Variants in PCDHB11 observed in about 807,000 individuals in gnomAD.
The protein encoded by PCDHB11 is protocadherin beta 11.
For synonymous variants in PCDHB11, 522 were observed against 442.0 expected (o/e 1.18, Z -2.27); for missense variants, 1,151 against 1,003.4 (o/e 1.15, Z -1.99).
At position 141,201,201 on chromosome 5, in the gene PCDHB11, CAG is replaced by C; in HGVS notation, c.1429_1430del (p.Asp477GlnfsTer198). 6.2e-7 allele frequency: 1 copy of C among 1,613,248 alleles called. No individual in the cohort carries two copies. The highest frequency in any genetic ancestry group is 8.5e-7 in the Non-Finnish European group (1 of 1,180,026). On this transcript the variant is annotated frameshift_variant, in exon 1 of 1. Transcript: ENST00000354757. LOFTEE classifies it low-confidence loss of function (END_TRUNC). ...CTGCACATCGGCAGTGTCAGCGCTA[CAG>C]ACAGAGACTCAGGCACCAACGCCCA...
chr5:141,202,144 A>C lies in PCDHB11; in HGVS notation c.2370A>C (p.Arg790=), dbSNP rs782176607. 1 of 1,607,500 alleles carries C rather than the reference A, an allele frequency of 6.2e-7. No individual in the cohort carries two copies. Among genetic ancestry groups the C allele is most frequent in the East Asian group, 2.2e-5 (1 of 44,764 alleles). ...ATAGTGAAGAAAACTCCACCTTTCG[A>C]AATAGCTTTGGATTTAATTTTTAGT... ...GKNSEENSTF[R]NSFGFNF Residue 790 remains arginine, a synonymous_variant, in exon 1 of 1, where the codon CGA becomes CGC. Coordinates refer to ENST00000354757, the MANE Select transcript of PCDHB11 (RefSeq NM_018931.3).
Position 141,200,056 on chromosome 5 carries a change from G to C in PCDHB11, c.282G>C (p.Glu94Asp). ...TAAGTGAAACACTAGACAGGGAGGA[G>C]CTCTGCGGTTCCATCGAGCCTTGCG... ...LLLSETLDREELCGSIEPCVL... is the reference protein window; with the variant it reads ...LLLSETLDREDLCGSIEPCVL... The change falls in exon 1 of 1, where the codon GAG becomes GAC. Residue 94 changes from glutamate to aspartate, a missense_variant. Physicochemically the swap from Glu to Asp is conservative, Grantham distance 45. Transcript: ENST00000354757. 6.2e-7 allele frequency: 1 copy of C among 1,614,190 alleles called. No homozygotes were observed. The highest frequency in any genetic ancestry group is 8.5e-7 in the Non-Finnish European group (1 of 1,180,050).
At position 141,201,697 on chromosome 5, in the gene PCDHB11, G is replaced by A. The variant is rs535571796; in HGVS notation, c.1923G>A (p.Val641=). ...GCGACGCGGCCAAGCACAGGCTGGTGGTGCTGGTCAAGGACAATGGCGAGC... is the reference window on the plus strand; with the variant it reads ...GCGACGCGGCCAAGCACAGGCTGGTAGTGCTGGTCAAGGACAATGGCGAGC... The part of the protein sequence containing the change: ...SERDAAKHRL[V]VLVKDNGEPP... Residue 641 remains valine (V), a synonymous_variant, in exon 1 of 1, where the codon GTG becomes GTA. Transcript: ENST00000354757. The A allele has an allele frequency of 2.3e-4, 368 of 1,607,166 alleles. No individual in the cohort carries two copies. The highest frequency in any genetic ancestry group is 2.0e-3 in the Middle Eastern group (9 of 4,436).
Position 141,201,560 on chromosome 5 carries a change from T to G in PCDHB11, c.1786T>G (p.Ser596Ala). The G allele has an allele frequency of 1.2e-6, 2 of 1,608,756 alleles. No individual in the cohort carries two copies. The highest frequency in any genetic ancestry group is 1.7e-6 in the Non-Finnish European group (2 of 1,179,228). Residue 596 changes from serine (S) to alanine (A), a missense_variant, in exon 1 of 1, where the codon TCG (serine) becomes GCG (alanine). Coordinates refer to ENST00000354757, the MANE Select transcript of PCDHB11 (RefSeq NM_018931.3). ...VTKVVAVDGD[S>A]GQNAWLSYQL... ...CAAGGTGGTGGCGGTGGACGGCGAC[T>G]CGGGCCAGAACGCCTGGCTGTCGTA...
In PCDHB11 at chr5:141,200,596, T is replaced by C. The variant is rs782659566; in HGVS notation, c.822T>C (p.Asn274=). 2.4e-5 allele frequency: 39 copies of C among 1,614,118 alleles called. No homozygotes were observed. The highest frequency in any genetic ancestry group is 1.6e-4 in the Middle Eastern group (1 of 6,084). ...CTTGGGATTTAGACTCTGGAACAAA[T>C]GGTGAAATATGCTATACCTTTTCCC... The part of the protein sequence containing the change: ...VSAWDLDSGT[N]GEICYTFSHA... The change falls in exon 1 of 1, where the codon AAT becomes AAC. Residue 274 remains asparagine (N), a synonymous_variant. Coordinates refer to ENST00000354757, the MANE Select transcript of PCDHB11 (RefSeq NM_018931.3).
rs1174899767 is a variant in PCDHB11 at position 141,202,605 on chromosome 5, CT to C, written c.*447del. The C allele has an allele frequency of 1.8e-4, 27 of 148,692 alleles. No individual in the cohort carries two copies. Among genetic ancestry groups the C allele is most frequent in the East Asian group, 5.9e-4 (3 of 5,084 alleles). The allele number at this position is 148,692 out of a possible 1,614,324, so 9.2% of individuals were successfully genotyped here. Reference sequence around the variant, plus strand: ...ACCGGTGTGAGCCACTGCGCCCGGCCTTTTTTTTTTCTTTTCTTTTCTTTTT... The same window carrying C: ...ACCGGTGTGAGCCACTGCGCCCGGCCTTTTTTTTTCTTTTCTTTTCTTTTT... On this transcript the variant is annotated 3_prime_UTR_variant, in exon 1 of 1. Transcript: ENST00000354757.
Position 141,199,789 on chromosome 5 carries a change from G to C in PCDHB11, c.15G>C (p.Gly5=). The stretch of plus-strand genomic sequence containing the variant: ...AGAAAGGAACTATGGAGAACCAAGG[G>C]ACACGCACTCAGCAGATAAGGCAAG... MENQ[G]TRTQQIRQVL... Residue 5 remains glycine, a synonymous_variant, in exon 1 of 1, where the codon GGG becomes GGC. Transcript: ENST00000354757. 1 of 1,614,130 alleles carries C rather than the reference G, an allele frequency of 6.2e-7. No homozygotes were observed. The highest frequency in any genetic ancestry group is 8.5e-7 in the Non-Finnish European group (1 of 1,179,996).
At position 141,200,518 on chromosome 5, in the gene PCDHB11, G is replaced by C; in HGVS notation, c.744G>C (p.Glu248Asp). ...CTGAATTTGAGCAGGCTTTTTATGA[G>C]GTGAAGATTCGGGAGAATAGCATCC... ...NSPEFEQAFY[E>D]VKIRENSILG... The change falls in exon 1 of 1, where the codon GAG becomes GAC. Residue 248 changes from glutamate (E) to aspartate (D), a missense_variant. Glu to Asp is a conservative substitution (Grantham distance 45, BLOSUM62 2). Coordinates refer to ENST00000354757, the MANE Select transcript of PCDHB11 (RefSeq NM_018931.3). 6.2e-7 allele frequency: 1 copy of C among 1,614,160 alleles called. No homozygotes were observed. Among genetic ancestry groups the C allele is most frequent in the Non-Finnish European group, 8.5e-7 (1 of 1,180,036 alleles).
In PCDHB11 at chr5:141,202,263, C is replaced by T; in HGVS notation, c.*95C>T. The stretch of plus-strand genomic sequence containing the variant: ...AAACTAGTTACGTTATTATGCAATA[C>T]GACTAATTGTATTTTTAATTTTTTC... On this transcript the variant is annotated 3_prime_UTR_variant, in exon 1 of 1. Transcript: ENST00000354757. The T allele has an allele frequency of 3.6e-6, 4 of 1,097,602 alleles. No homozygotes were observed. Among genetic ancestry groups the T allele is most frequent in the Non-Finnish European group, 5.1e-6 (4 of 787,958 alleles). The allele number at this position is 1,097,602 out of a possible 1,614,324, so 68.0% of individuals were successfully genotyped here. A position where few individuals can be genotyped will look rare whatever the true frequency, so the allele number is the denominator to read the frequency against.
chr5:141,202,000 C>T lies in PCDHB11; in HGVS notation c.2226C>T (p.Thr742=), dbSNP rs199864160. Reference sequence around the variant, plus strand: ...GGCATCTGGTGGACGTGAGCGGCACCGGGACCCTTTCCCAGAGCTACCAGT... The same window carrying T: ...GGCATCTGGTGGACGTGAGCGGCACTGGGACCCTTTCCCAGAGCTACCAGT... ...FPGHLVDVSG[T]GTLSQSYQYE... The change falls in exon 1 of 1, where the codon ACC becomes ACT. Residue 742 remains threonine (T), a synonymous_variant. Transcript: ENST00000354757. 6.2e-7 allele frequency: 1 copy of T among 1,614,136 alleles called. No homozygotes were observed. Among genetic ancestry groups the T allele is most frequent in the Non-Finnish European group, 8.5e-7 (1 of 1,180,000 alleles).
In PCDHB11 at chr5:141,201,269, C is replaced by T. The variant is rs782560864; in HGVS notation, c.1495C>T (p.Pro499Ser). The T allele has an allele frequency of 4.3e-6, 7 of 1,613,504 alleles. No homozygotes were observed. Among genetic ancestry groups the T allele is most frequent in the South Asian group, 3.3e-5 (3 of 91,060 alleles). ...SLLPPQDLHL[P>S]LASLVSINTD... ...ACTCCCGCCCCAGGACCTGCACCTG[C>T]CCCTCGCCTCCCTGGTCTCCATCAA... The change falls in exon 1 of 1, where the codon CCC becomes TCC. Residue 499 changes from proline to serine, a missense_variant. Physicochemically the swap from Pro to Ser is moderately conservative, Grantham distance 74. Coordinates refer to ENST00000354757, the MANE Select transcript of PCDHB11 (RefSeq NM_018931.3).
chr5:141,203,403 G>T lies in PCDHB11; in HGVS notation c.*1235G>T, dbSNP rs1447401390. The T allele has an allele frequency of 6.6e-6, 1 of 152,140 alleles. No homozygotes were observed. Among genetic ancestry groups the T allele is most frequent in the African/African-American group, 2.4e-5 (1 of 41,426 alleles). 9.4% of individuals were successfully genotyped at this position (152,140 alleles called of 1,614,324 possible). A position where few individuals can be genotyped will look rare whatever the true frequency, so the allele number is the denominator to read the frequency against. ...GCTCCCCTAGTATTTTTCACTGTCT[G>T]CATCCTATGATCCTAACCACCTGTG... On this transcript the variant is annotated 3_prime_UTR_variant, in exon 1 of 1. Transcript: ENST00000354757.
Position 141,201,954 on chromosome 5 carries a change from T to C in PCDHB11, c.2180T>C (p.Val727Ala). 6.2e-7 allele frequency: 1 copy of C among 1,614,122 alleles called. No homozygotes were observed. The highest frequency in any genetic ancestry group is 8.5e-7 in the Non-Finnish European group (1 of 1,180,000). ...SRAASVGSCSVPKGPFPGHLV... is the reference protein window; with the variant it reads ...SRAASVGSCSAPKGPFPGHLV... ...GCGGCCTCGGTGGGAAGCTGCTCGG[T>C]GCCTAAGGGCCCCTTTCCAGGGCAT... The change falls in exon 1 of 1, where the codon GTG becomes GCG. Residue 727 changes from valine to alanine, a missense_variant. Physicochemically the swap from Val to Ala is moderately conservative, Grantham distance 64. Transcript: ENST00000354757.
rs956476147 is a variant in PCDHB11, at chr5:141,203,338, C to T, written c.*1170C>T. 6.6e-6 allele frequency: 1 copy of T among 152,262 alleles called. No individual in the cohort carries two copies. Among genetic ancestry groups the T allele is most frequent in the Non-Finnish European group, 1.5e-5 (1 of 68,088 alleles). 9.4% of individuals were successfully genotyped at this position (152,262 alleles called of 1,614,324 possible). On this transcript the variant is annotated 3_prime_UTR_variant, in exon 1 of 1. Transcript: ENST00000354757. ...TCAGTGATCCGCCCGCCTCAGCCTC[C>T]CAAAAAGCTGGGATTACAGGCGTGA...
In PCDHB11 at chr5:141,201,184, C is replaced by T. The variant is rs200855743; in HGVS notation, c.1410C>T (p.Ile470=). Residue 470 remains isoleucine (I), a synonymous_variant, in exon 1 of 1, where the codon ATC becomes ATT. Coordinates refer to ENST00000354757, the MANE Select transcript of PCDHB11 (RefSeq NM_018931.3). ...AGAACAACAGCCCCGCCCTGCACATCGGCAGTGTCAGCGCTACAGACAGAG... is the reference window on the plus strand; with the variant it reads ...AGAACAACAGCCCCGCCCTGCACATTGGCAGTGTCAGCGCTACAGACAGAG... ...VRENNSPALH[I]GSVSATDRDS... 1 of 1,613,466 alleles carries T rather than the reference C, an allele frequency of 6.2e-7. No individual in the cohort carries two copies. Among genetic ancestry groups the T allele is most frequent in the Non-Finnish European group, 8.5e-7 (1 of 1,180,022 alleles).
Position 141,202,406 on chromosome 5 carries a change from TCTC to T in PCDHB11, c.*241_*243del, listed in dbSNP as rs1324334393. The T allele has an allele frequency of 3.1e-6, 1 of 324,412 alleles. No individual in the cohort carries two copies. The highest frequency in any genetic ancestry group is 5.5e-6 in the Non-Finnish European group (1 of 181,532). 20.1% of individuals were successfully genotyped at this position (324,412 alleles called of 1,614,324 possible). On this transcript the variant is annotated 3_prime_UTR_variant, in exon 1 of 1. Transcript: ENST00000354757. ...CCTCCGCCTCTCGGGTTCAAGCAAT[TCTC>T]CTGCATCAGCCTCCCGAGTAGCTGG...
At position 141,202,402 on chromosome 5, in the gene PCDHB11, C is replaced by T; in HGVS notation, c.*234C>T. The T allele has an allele frequency of 3.0e-6, 1 of 337,478 alleles. No homozygotes were observed. Among genetic ancestry groups the T allele is most frequent in the Non-Finnish European group, 5.3e-6 (1 of 190,342 alleles). 20.9% of individuals were successfully genotyped at this position (337,478 alleles called of 1,614,324 possible). On this transcript the variant is annotated 3_prime_UTR_variant, in exon 1 of 1. Coordinates refer to ENST00000354757, the MANE Select transcript of PCDHB11 (RefSeq NM_018931.3). ...GCACCCTCCGCCTCTCGGGTTCAAG[C>T]AATTCTCCTGCATCAGCCTCCCGAG... is the stretch of plus-strand genomic sequence containing the variant.
Position 141,202,237 on chromosome 5 carries a change from T to G in PCDHB11, c.*69T>G, listed in dbSNP as rs73273655. 3,148 of 1,298,340 alleles carry G rather than the reference T, an allele frequency of 2.4e-3. 59 individuals are homozygous for G. In the African/African-American group the frequency reaches 0.04, roughly 17 times the overall value. 80.4% of individuals were successfully genotyped at this position (1,298,340 alleles called of 1,614,324 possible). ...TAACCATATCAATATTATTTAGTCT[T>G]AAACTAGTTACGTTATTATGCAATA... On this transcript the variant is annotated 3_prime_UTR_variant, in exon 1 of 1. Transcript: ENST00000354757.
Position 141,202,284 on chromosome 5 carries a change from T to A in PCDHB11, c.*116T>A. On this transcript the variant is annotated 3_prime_UTR_variant, in exon 1 of 1. Coordinates refer to ENST00000354757, the MANE Select transcript of PCDHB11 (RefSeq NM_018931.3). ...AATACGACTAATTGTATTTTTAATT[T>A]TTTCTTTTCTCCCCCAATTTTTTTT... 1 of 1,086,700 alleles carries A rather than the reference T, an allele frequency of 9.2e-7. No individual in the cohort carries two copies. The highest frequency in any genetic ancestry group is 1.3e-6 in the Non-Finnish European group (1 of 785,190). The allele number at this position is 1,086,700 out of a possible 1,614,324, so 67.3% of individuals were successfully genotyped here. A position where few individuals can be genotyped will look rare whatever the true frequency, so the allele number is the denominator to read the frequency against.
Sources: allele counts gnomAD v4.1 joint callset, GRCh38; gene constraint gnomAD v4.1.1; transcripts MANE v1.5; gene names NCBI Gene and HGNC (gene_info 2026-07-23, HGNC 2026-07-21).